The following HERC4 variants were observed in gnomAD, a reference collection of about 807,000 sequenced individuals.
HERC4 encodes the protein probable E3 ubiquitin-protein ligase HERC4.
In HERC4, 28 loss-of-function variants were observed where a neutral mutation model predicts 124.3. The ratio of observed to expected loss-of-function variants is 0.23; its 90% CI spans 0.17 to 0.31. HERC4 has a LOEUF of 0.31. Among genes scored for constraint, HERC4 ranks in the 10% least tolerant of loss-of-function variants. The probability of loss-of-function intolerance (pLI) is 1.00; values close to 1 mark genes in which losing one functional copy is unlikely to be tolerated. For missense variants in HERC4, 713 were observed against 1,229.3 expected, an observed-to-expected ratio of 0.58 and a Z score of 6.28; for synonymous variants, 407 against 421.5, an observed-to-expected ratio of 0.97 and a Z score of 0.42.
chr10:67,988,647 G>GA lies in HERC4; in HGVS notation c.1806+15dup. On this transcript the variant is annotated intron_variant, in intron 15 of 24. Transcript: ENST00000373700. Reference sequence around the variant, plus strand: ...GGAATGGGGAAAGAGGAAAATAAAGGAATGATTGGACATACCCTATGTAGT... The same window carrying GA: ...GGAATGGGGAAAGAGGAAAATAAAGGAAATGATTGGACATACCCTATGTAGT... 7.0e-7 allele frequency: 1 copy of GA among 1,438,390 alleles called. No individual in the cohort carries two copies. Among genetic ancestry groups the GA allele is most frequent in the Non-Finnish European group, 9.4e-7 (1 of 1,060,524 alleles). 89.1% of individuals were successfully genotyped at this position (1,438,390 alleles called of 1,614,324 possible).
At position 68,073,184 on chromosome 10, in the gene HERC4, T is replaced by C. The variant is rs2133887936; in HGVS notation, c.-76A>G. The C allele has an allele frequency of 1.8e-6, 2 of 1,100,396 alleles. No individual in the cohort carries two copies. The highest frequency in any genetic ancestry group is 1.3e-6 in the Non-Finnish European group (1 of 751,370). The allele number at this position is 1,100,396 out of a possible 1,614,324, so 68.2% of individuals were successfully genotyped here. ...ACCCCGGAAAGTTGGAGGTACCCTA[T>C]GTCTGAGGAAATAGAAAGAAGTTAA... On this transcript the variant is annotated splice_region_variant and 5_prime_UTR_variant, in exon 3 of 25. Transcript: ENST00000373700.
At chr10:67,946,800 G>A (rs564661288) in intron 19 of HERC4, among the ~76,000 whole-genome samples, 9 of 152,180 alleles carry the variant, frequency 5.9e-5, no homozygotes, top group East Asian at 1.9e-4. Context: ...CCAGCTACTC[G>A]GGAGGCTGAG....
intron 9 of HERC4, among the ~76,000 whole-genome samples, chr10:68,007,224 C>T (rs1382818512): frequency 6.6e-6 from 1 of 151,962 alleles, no homozygotes; most frequent in African/African-American, 2.4e-5. Flanking sequence ...CTTTCTTCTG[C>T]TTGATCAATT....
At chr10:67,987,231 T>A (rs2036312673) in intron 15 of HERC4, among the ~76,000 whole-genome samples, 1 of 152,192 alleles carries the variant, frequency 6.6e-6, no homozygotes, top group African/African-American at 2.4e-5. Flanking sequence ...CTTACTTGCT[T>A]AAGTTCTGCC....
chr10:67,924,191 G>C (rs1269293110), intron 24 of HERC4, among the ~76,000 whole-genome samples: 3 of 152,132 alleles, frequency 2.0e-5, no homozygotes, highest in East Asian at 3.9e-4. Context: ...TGACTGTACT[G>C]AATGTGTCAA....
chr10:67,923,568 C>CTT (rs1029816564), intron 24 of HERC4, among the ~76,000 whole-genome samples: 1 of 148,762 alleles, frequency 6.7e-6, no homozygotes, highest in Non-Finnish European at 1.5e-5. Context: ...TCAAATCATT[C>CTT]TTTTTTTTTT....
chr10:67,981,126 CA>C (rs1237576416), intron 15 of HERC4, among the ~76,000 whole-genome samples: 1 of 152,022 alleles, frequency 6.6e-6, no homozygotes, highest in African/African-American at 2.4e-5. Context: ...AAAATAAGAC[CA>C]AATGACCTGT....
intron 9 of HERC4, 29 bp downstream of exon 9, chr10:68,013,997 A>T: frequency 2.0e-6 from 3 of 1,516,102 alleles, no homozygotes; most frequent in Non-Finnish European, 2.7e-6. Flanking sequence ...TCAATATATG[A>T]AGGAAAGCTT....
chr10:67,975,221 C>T (rs1340415127), intron 15 of HERC4, among the ~76,000 whole-genome samples: 1 of 151,950 alleles, frequency 6.6e-6, no homozygotes. Context: ...AAATTTTATG[C>T]TCCAATAATA....
chr10:67,984,894 T>C (rs2036172507), intron 15 of HERC4, among the ~76,000 whole-genome samples: 3 of 152,172 alleles, frequency 2.0e-5, no homozygotes, highest in Middle Eastern at 3.4e-3. Context: ...CGGCCAAACC[T>C]AGTATTTCAT....
intron 5 of HERC4, among the ~76,000 whole-genome samples, chr10:68,035,589 T>C (rs2039419356): frequency 6.6e-6 from 1 of 152,184 alleles, no homozygotes; most frequent in Non-Finnish European, 1.5e-5. Flanking sequence ...CCCCAAAAAA[T>C]ATATTTCAGT....
chr10:67,925,579 T>C (rs1428801359), intron 23 of HERC4, among the ~76,000 whole-genome samples: 1 of 152,162 alleles, frequency 6.6e-6, no homozygotes, highest in Non-Finnish European at 1.5e-5. Context: ...AAAAATATGG[T>C]ACTAAGCAAC....
At chr10:68,015,012 A>G (rs1564548868) in intron 8 of HERC4, among the ~76,000 whole-genome samples, 1 of 152,070 alleles carries the variant, frequency 6.6e-6, no homozygotes, top group Non-Finnish European at 1.5e-5. Flanking sequence ...CTCTAACCAT[A>G]CCCATATCTT....
intron 9 of HERC4, among the ~76,000 whole-genome samples, chr10:68,002,143 A>G (rs2037267935): frequency 6.6e-6 from 1 of 151,992 alleles, no homozygotes; most frequent in Non-Finnish European, 1.5e-5. Context: ...CCTTTGTTAA[A>G]TATGAGCTTA....
At chr10:68,042,880 C>T (rs765787506) in intron 4 of HERC4, among the ~76,000 whole-genome samples, 3 of 151,982 alleles carry the variant, frequency 2.0e-5, no homozygotes, top group Non-Finnish European at 4.4e-5. Context: ...TACGTTACAA[C>T]AAATCAGATC....
At chr10:68,055,811 T>TC (rs1349320591) in intron 3 of HERC4, among the ~76,000 whole-genome samples, 1 of 150,846 alleles carries the variant, frequency 6.6e-6, no homozygotes, top group Non-Finnish European at 1.5e-5. Context: ...TAGTGCAGTG[T>TC]CCTGATCTCA....
chr10:68,025,506 C>T (rs1274708681), intron 8 of HERC4, 40 bp downstream of exon 8: 1 of 1,579,548 alleles, frequency 6.3e-7, no homozygotes, highest in Non-Finnish European at 8.6e-7. Context: ...TAAACAACTG[C>T]AGTTTAGAGA....
At chr10:67,938,653 A>G (rs964981944) in intron 21 of HERC4, among the ~76,000 whole-genome samples, 7 of 151,802 alleles carry the variant, frequency 4.6e-5, no homozygotes, top group Non-Finnish European at 8.8e-5. Flanking sequence ...CAGTTATTTA[A>G]CATCCCTTTT....
chr10:67,951,681 G>C (rs2033804327), intron 19 of HERC4, among the ~76,000 whole-genome samples: 1 of 152,140 alleles, frequency 6.6e-6, no homozygotes. Context: ...CTAGAGCTAA[G>C]GTAGGTCTCC....
Sources: allele counts gnomAD v4.1 joint callset (sites outside exome capture counted in the v4.1 genomes callset), GRCh38; gene constraint gnomAD v4.1.1; transcripts MANE v1.5; gene names NCBI Gene and HGNC (gene_info 2026-07-23, HGNC 2026-07-21).